The following PLRG1 variants were observed in gnomAD, a reference collection of about 807,000 sequenced individuals.
PLRG1 encodes pleiotropic regulator 1.
A neutral mutation model predicts 74.9 loss-of-function variants in PLRG1; 28 were observed. The ratio of observed to expected loss-of-function variants is 0.37; its 90% CI spans 0.28 to 0.51. PLRG1 has a LOEUF of 0.51. PLRG1 is among the 20% of genes least tolerant of loss of function. The probability of loss-of-function intolerance (pLI) is 0.91; values close to 1 mark genes in which losing one functional copy is unlikely to be tolerated. For missense variants in PLRG1, 445 were observed against 631.9 expected (o/e 0.70, Z 3.17); for synonymous variants, 197 against 212.4 (o/e 0.93, Z 0.63).
At position 154,536,488 on chromosome 4, in the gene PLRG1, T is replaced by C. The variant is rs1729452885; in HGVS notation, c.*197A>G. 2 of 535,360 alleles carry C rather than the reference T, an allele frequency of 3.7e-6. No homozygotes were observed. The highest frequency in any genetic ancestry group is 6.5e-6 in the Non-Finnish European group (2 of 305,458). 33.2% of individuals were successfully genotyped at this position (535,360 alleles called of 1,614,324 possible). ...GCATCTTCCTAGTATCACAAATTGT[T>C]TTAGAAATAAAAACACAGGGGTAGG... On this transcript the variant is annotated 3_prime_UTR_variant, in exon 15 of 15. Transcript: ENST00000499023.
At chr4:154,547,468 G>C in intron 3 of PLRG1, 1 of 548,600 alleles carries the variant, frequency 1.8e-6, no homozygotes, top group Non-Finnish European at 3.2e-6. Context: ...AATCTCTACT[G>C]TGACCTTCTC....
intron 4 of PLRG1, 159 bp downstream of exon 4, chr4:154,546,852 G>C: frequency 6.3e-6 from 4 of 636,586 alleles, no homozygotes; most frequent in South Asian, 3.9e-5. Flanking sequence ...CTGAATGAAG[G>C]CATATGAGTA....
intron 10 of PLRG1, 79 bp from the exon 11 acceptor site, chr4:154,540,132 C>A: frequency 1.2e-6 from 1 of 804,928 alleles, no homozygotes; most frequent in Non-Finnish European, 2.2e-6. Context: ...CAATTCAAGG[C>A]TGAAAATTTA....
In PLRG1 at chr4:154,539,958, A is replaced by G. The variant is rs1358828484; in HGVS notation, c.1035T>C (p.Ile345=). 2 of 1,471,048 alleles carry G rather than the reference A, an allele frequency of 1.4e-6. No individual in the cohort carries two copies. The highest frequency in any genetic ancestry group is 9.5e-7 in the Non-Finnish European group (1 of 1,049,062). The allele number at this position is 1,471,048 out of a possible 1,614,324, so 91.1% of individuals were successfully genotyped here. A position where few individuals can be genotyped will look rare whatever the true frequency, so the allele number is the denominator to read the frequency against. The part of the protein sequence containing the change: ...TVRCQAAEPQ[I]ITGSHDTTIR... ...GAAAAGTATCGATCATACCTGTAAT[A>G]ATTTGTGGTTCTGCAGCCTGACATC... Residue 345 remains isoleucine (I), a synonymous_variant, in exon 11 of 15, where the codon ATT becomes ATC. Transcript: ENST00000499023.
chr4:154,546,108 T>C lies in PLRG1; in HGVS notation c.404+15A>G. The C allele has an allele frequency of 6.9e-7, 1 of 1,439,658 alleles. No individual in the cohort carries two copies. Among genetic ancestry groups the C allele is most frequent in the Non-Finnish European group, 9.7e-7 (1 of 1,031,892 alleles). 89.2% of individuals were successfully genotyped at this position (1,439,658 alleles called of 1,614,324 possible). On this transcript the variant is annotated intron_variant, in intron 5 of 14. Transcript: ENST00000499023. Reference sequence around the variant, plus strand: ...AATATGCTTTTAAGATCTTTGTAATTATAATATTTCATACTTGGTCTGCAA... The same window carrying C: ...AATATGCTTTTAAGATCTTTGTAATCATAATATTTCATACTTGGTCTGCAA...
rs1729445261 is a variant in PLRG1, at chr4:154,536,166, G to A, written c.*519C>T. ...ACCAAACTGGAAGTCTTAGAGGATA[G>A]ACACATCTTACTTGTCTATTTCCTG... On this transcript the variant is annotated 3_prime_UTR_variant, in exon 15 of 15. Coordinates refer to ENST00000499023, the MANE Select transcript of PLRG1 (RefSeq NM_002669.4). 6.5e-6 allele frequency: 1 copy of A among 154,018 alleles called. No homozygotes were observed. Among genetic ancestry groups the A allele is most frequent in the Non-Finnish European group, 1.4e-5 (1 of 69,524 alleles). The allele number at this position is 154,018 out of a possible 1,614,324, so 9.5% of individuals were successfully genotyped here. A position where few individuals can be genotyped will look rare whatever the true frequency, so the allele number is the denominator to read the frequency against.
intron 13 of PLRG1, 28 bp from the exon 14 acceptor site, chr4:154,537,507 G>A (rs376018385): frequency 4.1e-5 from 63 of 1,532,374 alleles, no homozygotes; most frequent in Non-Finnish European, 5.3e-5. Flanking sequence ...AGTTACACCT[G>A]GTATCCCCTC....
intron 4 of PLRG1, chr4:154,546,750 C>T: frequency 4.0e-6 from 2 of 502,352 alleles, no homozygotes; most frequent in Non-Finnish European, 3.6e-6. Flanking sequence ...GCCTAAACCA[C>T]CAGATAATAA....
At chr4:154,546,303 C>A in intron 4 of PLRG1, 90 bp from the exon 5 acceptor site, 3 of 699,272 alleles carry the variant, frequency 4.3e-6, no homozygotes, top group South Asian at 3.3e-5. Flanking sequence ...AAACATACAC[C>A]AAATGTTTAT....
intron 4 of PLRG1, chr4:154,546,740 GC>G: frequency 2.1e-6 from 1 of 483,108 alleles, no homozygotes; most frequent in Non-Finnish European, 3.7e-6. Flanking sequence ...TTACATGTCT[GC>G]CTAAACCACC....
At chr4:154,544,303 C>A in intron 7 of PLRG1, 142 bp downstream of exon 7, 1 of 595,634 alleles carries the variant, frequency 1.7e-6, no homozygotes, top group Non-Finnish European at 3.1e-6. Flanking sequence ...TAAGATACTC[C>A]CTACGACTCT....
intron 10 of PLRG1, 44 bp from the exon 11 acceptor site, chr4:154,540,097 C>A: frequency 2.0e-6 from 2 of 1,008,912 alleles, no homozygotes; most frequent in East Asian, 2.4e-5. Context: ...AATAGGTATT[C>A]ATTATCTCAA....
At chr4:154,548,050 C>T (rs1442121202) in intron 2 of PLRG1, among the ~76,000 whole-genome samples, 197 bp from the exon 3 acceptor site, 1 of 152,132 alleles carries the variant, frequency 6.6e-6, no homozygotes, top group Non-Finnish European at 1.5e-5. Flanking sequence ...ATTCATTAAA[C>T]CTACGTAATA....
rs1168735276 is a variant in PLRG1 at position 154,540,856 on chromosome 4, T to G, written c.766A>C (p.Thr256Pro). 6.2e-7 allele frequency: 1 copy of G among 1,613,506 alleles called. No individual in the cohort carries two copies. Among genetic ancestry groups the G allele is most frequent in the Non-Finnish European group, 8.5e-7 (1 of 1,179,562 alleles). ...ISTVRGVIVS[T>P]RSPYLFSCGE... The stretch of plus-strand genomic sequence containing the variant: ...CAAGAGAACAGATATGGGCTCCTTG[T>G]GCTTACTATCACGCCCCGCACAGTA... The change falls in exon 9 of 15, where the codon ACA becomes CCA. Residue 256 changes from threonine (T) to proline (P), a missense_variant. Transcript: ENST00000499023.
rs773719570 is a variant in PLRG1, at chr4:154,537,952, T to C, written c.1291+17A>G. On this transcript the variant is annotated intron_variant, in intron 13 of 14. Coordinates refer to ENST00000499023, the MANE Select transcript of PLRG1 (RefSeq NM_002669.4). ...AATAACAGACTAAACATATTTATTA[T>C]AAAAATCTTATTTTACCTCCAGATA... 2.1e-5 allele frequency: 29 copies of C among 1,370,580 alleles called. No individual in the cohort carries two copies. In the South Asian group the frequency reaches 3.8e-4, roughly 18 times the overall value. The allele number at this position is 1,370,580 out of a possible 1,614,324, so 84.9% of individuals were successfully genotyped here. A position where few individuals can be genotyped will look rare whatever the true frequency, so the allele number is the denominator to read the frequency against.
At position 154,536,524 on chromosome 4, in the gene PLRG1, C is replaced by T. The variant is rs2111097869; in HGVS notation, c.*161G>A. The T allele has an allele frequency of 1.6e-6, 1 of 616,464 alleles. No individual in the cohort carries two copies. 38.2% of individuals were successfully genotyped at this position (616,464 alleles called of 1,614,324 possible). On this transcript the variant is annotated 3_prime_UTR_variant, in exon 15 of 15. Transcript: ENST00000499023. The stretch of plus-strand genomic sequence containing the variant: ...AAACACAGGGGTAGGGGACAGGGGA[C>T]AGTTTATTGTAAAATATGAAGCAGC...
At chr4:154,549,701 A>G (rs1185640101) in intron 1 of PLRG1, 1 of 456,376 alleles carries the variant, frequency 2.2e-6, no homozygotes, top group Admixed American at 2.3e-5. Context: ...AAATGGAAGC[A>G]AGGAAACCAA....
At chr4:154,545,813 C>T (rs879079311) in intron 6 of PLRG1, 23 bp downstream of exon 6, 7 of 1,422,734 alleles carry the variant, frequency 4.9e-6, no homozygotes, top group South Asian at 2.4e-5. Context: ...TAGAAACCTG[C>T]TATTTGATGC....
chr4:154,547,361 C>T (rs913015916), intron 3 of PLRG1: 1 of 516,390 alleles, frequency 1.9e-6, no homozygotes, highest in East Asian at 3.4e-5. Flanking sequence ...ATTCTCTTTA[C>T]TTATTAAGAT....
Sources: allele counts gnomAD v4.1 joint callset (sites outside exome capture counted in the v4.1 genomes callset), GRCh38; gene constraint gnomAD v4.1.1; transcripts MANE v1.5; gene names NCBI Gene and HGNC (gene_info 2026-07-23, HGNC 2026-07-21).